The following CPED1 variants were observed in gnomAD, a reference collection of about 807,000 sequenced individuals.
The protein encoded by CPED1 is cadherin-like and PC-esterase domain-containing protein 1.
In CPED1, 114 loss-of-function variants were observed where a neutral mutation model predicts 128.2. That is an observed-to-expected ratio of 0.89 (90% CI 0.76 to 1.04). The LOEUF (loss-of-function observed/expected upper bound fraction) is 1.04, where lower values mean the gene tolerates loss of function less well. Ranked by LOEUF, CPED1 falls within the 50% of genes least tolerant of loss-of-function variation. The probability of loss-of-function intolerance (pLI) is 0.00; values close to 1 mark genes in which losing one functional copy is unlikely to be tolerated. For missense variants in CPED1, 1,211 were observed against 1,207.1 expected (o/e 1.00, Z -0.05); for synonymous variants, 462 against 426.7 (o/e 1.08, Z -1.02).
intron 11 of CPED1, among the ~76,000 whole-genome samples, chr7:121,129,114 A>G (rs1028685548): frequency 6.6e-6 from 1 of 151,444 alleles, no homozygotes; most frequent in Non-Finnish European, 1.5e-5. Context: ...TTTTCTTTCC[A>G]GTTCTGATAC....
chr7:121,054,917 T>C (rs1585042946), intron 4 of CPED1, among the ~76,000 whole-genome samples: 1 of 152,194 alleles, frequency 6.6e-6, no homozygotes, highest in East Asian at 1.9e-4. Context: ...TTTCTGTTTG[T>C]TTGTTTTAAA....
intron 22 of CPED1, among the ~76,000 whole-genome samples, chr7:121,293,750 G>A (rs1003395395): frequency 6.6e-6 from 1 of 152,004 alleles, no homozygotes; most frequent in African/African-American, 2.4e-5. Context: ...CCTTCCCTTG[G>A]CTAGGGGAGG....
intron 3 of CPED1, among the ~76,000 whole-genome samples, chr7:121,024,009 T>TG (rs913118133): frequency 6.6e-6 from 1 of 152,032 alleles, no homozygotes; most frequent in Admixed American, 6.6e-5. Context: ...TTAATCAAAC[T>TG]GGGGGGAAAA....
chr7:121,100,054 C>T lies in CPED1; in HGVS notation c.878C>T (p.Thr293Ile), dbSNP rs1292924962. 1.2e-6 allele frequency: 2 copies of T among 1,613,520 alleles called. No individual in the cohort carries two copies. The highest frequency in any genetic ancestry group is 1.7e-6 in the Non-Finnish European group (2 of 1,179,730). Residue 293 changes from threonine to isoleucine, a missense_variant, in exon 7 of 23, where the codon ACA becomes ATA. Transcript: ENST00000310396. ...CGTGCATTCATTCATTCGACGGGCA[C>T]AGTTTGGAATCCACCAAAGAAAAAA... ...PLRAFIHSTG[T>I]VWNPPKKKRF... is the part of the protein sequence containing the mutation.
At chr7:121,293,236 G>A (rs1792748944) in intron 22 of CPED1, among the ~76,000 whole-genome samples, 1 of 152,172 alleles carries the variant, frequency 6.6e-6, no homozygotes, top group Non-Finnish European at 1.5e-5. Context: ...GAGGAATCTA[G>A]AGAAGCAGAC....
intron 2 of CPED1, 105 bp downstream of exon 2, chr7:120,989,975 G>C: frequency 7.3e-7 from 1 of 1,363,740 alleles, no homozygotes. Context: ...GTCTGAAAGG[G>C]ATCCAGAGTG....
chr7:121,137,627 C>A (rs1231558893), intron 14 of CPED1, among the ~76,000 whole-genome samples: 3 of 151,880 alleles, frequency 2.0e-5, no homozygotes, highest in Non-Finnish European at 4.4e-5. Flanking sequence ...ACGTATATAG[C>A]CAATTAAAGA....
Position 121,246,490 on chromosome 7 carries a change from G to T in CPED1, c.2310+2152G>T, listed in dbSNP as rs1798537647. On this transcript the variant is annotated intron_variant, in intron 18 of 22. Transcript: ENST00000310396. Reference sequence around the variant, plus strand: ...GCCCTCTTCCTGGCTTCTGTTGACTGCCTTCTTGCTTTGTCATCACACAGC... The same window carrying T: ...GCCCTCTTCCTGGCTTCTGTTGACTTCCTTCTTGCTTTGTCATCACACAGC... 2.0e-5 allele frequency among the ~76,000 whole-genome samples: 3 copies of T among 152,276 alleles called. No homozygotes were observed. The South Asian group carries it at 6.2e-4, about 32-fold the overall frequency.
Position 121,267,128 on chromosome 7 carries a change from A to C in CPED1, c.2634-87A>C, listed in dbSNP as rs1051742760. The C allele has an allele frequency of 4.0e-6, 3 of 743,766 alleles. No homozygotes were observed. The African/African-American group carries it at 5.3e-5, about 13-fold the overall frequency. 46.1% of individuals were successfully genotyped at this position (743,766 alleles called of 1,614,324 possible). A position where few individuals can be genotyped will look rare whatever the true frequency, so the allele number is the denominator to read the frequency against. On this transcript the variant is annotated intron_variant, in intron 20 of 22. Transcript: ENST00000310396. ...ATGCCAATTATCACATTCTGAAAGA[A>C]TTCTATGGTATTTGTTTATATAAAC...
chr7:121,182,284 T>A (rs1584575940), intron 16 of CPED1, among the ~76,000 whole-genome samples: 1 of 150,244 alleles, frequency 6.7e-6, no homozygotes, highest in East Asian at 2.0e-4. Flanking sequence ...GCCAGAAGAG[T>A]TAGTAGACCA....
intron 16 of CPED1, among the ~76,000 whole-genome samples, chr7:121,220,633 A>G (rs191973573): frequency 1.2e-4 from 18 of 152,124 alleles, no homozygotes; most frequent in African/African-American, 3.9e-4. Context: ...CTTCTTTTCT[A>G]TTATTCTGCT....
chr7:121,270,894 T>G (rs1792217278), intron 21 of CPED1, among the ~76,000 whole-genome samples: 1 of 152,114 alleles, frequency 6.6e-6, no homozygotes, highest in African/African-American at 2.4e-5. Context: ...GAATAGTTTT[T>G]TCTAATTCTG....
chr7:120,991,384 C>CT (rs1169949601), intron 2 of CPED1, among the ~76,000 whole-genome samples: 4 of 152,096 alleles, frequency 2.6e-5, no homozygotes, highest in African/African-American at 9.7e-5. Context: ...CTAGCATTAA[C>CT]TTTTTTCTTT....
In CPED1 at chr7:121,133,873, A is replaced by G. The variant is rs780736605; in HGVS notation, c.1628A>G (p.Asp543Gly). Residue 543 changes from aspartate to glycine, a missense_variant, in exon 13 of 23, where the codon GAT becomes GGT. Transcript: ENST00000310396. ...KNIEKPQVPFDAIENKKAAVP... is the reference protein window; with the variant it reads ...KNIEKPQVPFGAIENKKAAVP... ...ATTGAAAAACCACAAGTGCCATTTG[A>G]TGCAATAGAAAATAAAAAAGGTAAA... 2 of 1,587,752 alleles carry G rather than the reference A, an allele frequency of 1.3e-6. No homozygotes were observed.
At chr7:121,177,989 A>G (rs1796821453) in intron 16 of CPED1, among the ~76,000 whole-genome samples, 1 of 152,104 alleles carries the variant, frequency 6.6e-6, no homozygotes, top group Admixed American at 6.6e-5. Context: ...GAATTGGAGA[A>G]CAGAAAGAAA....
intron 16 of CPED1, among the ~76,000 whole-genome samples, chr7:121,154,208 T>C (rs1353339882): frequency 6.6e-6 from 1 of 152,202 alleles, no homozygotes; most frequent in Admixed American, 6.5e-5. Flanking sequence ...ATCATCTCCA[T>C]ATGAGGAGTT....
At chr7:121,284,278 C>G (rs1233392332) in intron 22 of CPED1, among the ~76,000 whole-genome samples, 5 of 152,114 alleles carry the variant, frequency 3.3e-5, no homozygotes, top group African/African-American at 4.8e-5. Context: ...CCCACGAGGT[C>G]CCTCTCATAA....
intron 18 of CPED1, among the ~76,000 whole-genome samples, chr7:121,265,806 CTA>C (rs1373377850): frequency 6.6e-6 from 1 of 151,698 alleles, no homozygotes. Context: ...GACACGACCT[CTA>C]TTGAGCTACC....
At chr7:121,248,338 A>G (rs1201615469) in intron 18 of CPED1, among the ~76,000 whole-genome samples, 1 of 152,080 alleles carries the variant, frequency 6.6e-6, no homozygotes, top group Non-Finnish European at 1.5e-5. Flanking sequence ...AGCTTGGATC[A>G]CCTAACAAAA....
Sources: allele counts gnomAD v4.1 joint callset (sites outside exome capture counted in the v4.1 genomes callset), GRCh38; gene constraint gnomAD v4.1.1; transcripts MANE v1.5; gene names NCBI Gene and HGNC (gene_info 2026-07-23, HGNC 2026-07-21).